Variants in ARFGEF1 observed in about 807,000 individuals in gnomAD.
ARFGEF1 encodes the protein brefeldin A-inhibited guanine nucleotide-exchange protein 1.
In ARFGEF1, 42 loss-of-function variants were observed where a neutral mutation model predicts 231.0. The observed-to-expected ratio is 0.18, with a 90% confidence interval of 0.14 to 0.24. The LOEUF is 0.24. Ranked by LOEUF, ARFGEF1 falls within the 10% of genes least tolerant of loss-of-function variation. The pLI, the probability that ARFGEF1 is intolerant of heterozygous loss-of-function variation, is 1.00. For synonymous variants in ARFGEF1, 710 were observed against 732.3 expected, an observed-to-expected ratio of 0.97 and a Z score of 0.49; for missense variants, 1,345 against 2,192.0, an observed-to-expected ratio of 0.61 and a Z score of 7.72.
intron 1 of ARFGEF1, among the ~76,000 whole-genome samples, chr8:67,332,096 G>C (rs951197612): frequency 3.9e-5 from 6 of 152,008 alleles, no homozygotes; most frequent in African/African-American, 1.2e-4. Flanking sequence ...TAGGTAGGAA[G>C]ACAACATAGA....
At chr8:67,184,094 C>A (rs2129572582) in intron 5 of ARFGEF1, among the ~76,000 whole-genome samples, 1 of 152,160 alleles carries the variant, frequency 6.6e-6, no homozygotes, top group East Asian at 1.9e-4. Flanking sequence ...CTCAGGTGAT[C>A]CCCCGGCCTT....
Position 67,227,238 on chromosome 8 carries a change from C to T in ARFGEF1, c.3815G>A (p.Arg1272Gln). The T allele has an allele frequency of 6.2e-7, 1 of 1,612,966 alleles. No homozygotes were observed. Among genetic ancestry groups the T allele is most frequent in the Non-Finnish European group, 8.5e-7 (1 of 1,179,162 alleles). The stretch of plus-strand genomic sequence containing the variant: ...AGAGAAAATGTTCTTCCATCCAGAT[C>T]GAATGTTAGCAGCTTGAGAATTAAC... The part of the protein sequence containing the change: ...QMVNSQAANI[R>Q]SGWKNIFSVF... The change falls in exon 27 of 39, where the codon CGA becomes CAA. Residue 1272 changes from arginine to glutamine, a missense_variant. Around this residue, in one of 14 missense-constraint regions of ARFGEF1, gnomAD observed 142 missense variants for 227.3 expected, o/e 0.62. Coordinates refer to ENST00000262215, the MANE Select transcript of ARFGEF1 (RefSeq NM_006421.5).
chr8:67,253,849 A>C (rs1442456418), intron 17 of ARFGEF1, among the ~76,000 whole-genome samples: 1 of 152,234 alleles, frequency 6.6e-6, no homozygotes, highest in Non-Finnish European at 1.5e-5. Context: ...GGTGGACATG[A>C]GTAATGTGCA....
At chr8:67,279,524 G>A (rs1805450631) in intron 7 of ARFGEF1, among the ~76,000 whole-genome samples, 1 of 152,012 alleles carries the variant, frequency 6.6e-6, no homozygotes, top group African/African-American at 2.4e-5. Flanking sequence ...CTACACCTCA[G>A]CTCGTGTTCA....
Position 67,227,318 on chromosome 8 carries a change from A to G in ARFGEF1, c.3744-9T>C, listed in dbSNP as rs1839406853. 6.2e-7 allele frequency: 1 copy of G among 1,607,746 alleles called. No individual in the cohort carries two copies. Among genetic ancestry groups the G allele is most frequent in the African/African-American group, 1.3e-5 (1 of 74,828 alleles). On this transcript the variant is annotated splice_polypyrimidine_tract_variant and intron_variant, in intron 26 of 38. Coordinates refer to ENST00000262215, the MANE Select transcript of ARFGEF1 (RefSeq NM_006421.5). ...CTCGAATTGTTGGAGACCTAAAAAT[A>G]TTAATATAATTGCTTGGATATGCAA... is the stretch of plus-strand genomic sequence containing the variant.
chr8:67,289,472 T>TGC (rs1442287701), intron 6 of ARFGEF1, among the ~76,000 whole-genome samples: 3 of 144,366 alleles, frequency 2.1e-5, no homozygotes, highest in Non-Finnish European at 4.5e-5. Flanking sequence ...AAGGATCGCT[T>TGC]GCGCCTGGGA....
intron 4 of ARFGEF1, among the ~76,000 whole-genome samples, chr8:67,296,973 A>T (rs1806263644): frequency 6.6e-6 from 1 of 152,136 alleles, no homozygotes; most frequent in South Asian, 2.1e-4. Flanking sequence ...TTCTGCATCT[A>T]GAGTTTCAGC....
At chr8:67,276,160 A>G in intron 8 of ARFGEF1, 51 bp from the exon 9 acceptor site, 1 of 1,596,554 alleles carries the variant, frequency 6.3e-7, no homozygotes. Context: ...GCCAGTGTAA[A>G]ATCGCTTCAG....
intron 5 of ARFGEF1, among the ~76,000 whole-genome samples, chr8:67,181,822 T>A (rs569628535): frequency 2.6e-5 from 4 of 152,204 alleles, no homozygotes; most frequent in African/African-American, 9.6e-5. Flanking sequence ...AAACAGTAAT[T>A]CCCCATTGCC....
downstream of ARFGEF1, chr8:67,175,432 C>T (rs778067206): frequency 1.2e-6 from 2 of 1,614,084 alleles, no homozygotes; most frequent in Admixed American, 3.3e-5. Flanking sequence ...AGGAAGGTGC[C>T]AAAGGTAAGA....
chr8:67,212,554 C>T (rs1275569435), intron 33 of ARFGEF1, among the ~76,000 whole-genome samples: 2 of 152,064 alleles, frequency 1.3e-5, no homozygotes, highest in Non-Finnish European at 2.9e-5. Context: ...GGCAGCTGAC[C>T]CTACTCCTCC....
chr8:67,312,360 C>T (rs1006853149), intron 1 of ARFGEF1, among the ~76,000 whole-genome samples: 4 of 151,458 alleles, frequency 2.6e-5, no homozygotes, highest in Non-Finnish European at 5.9e-5. Context: ...AAAATGATTA[C>T]AGTGACAGTG....
At chr8:67,260,056 A>T in intron 14 of ARFGEF1, 130 bp from the exon 15 acceptor site, 1 of 441,292 alleles carries the variant, frequency 2.3e-6, no homozygotes, top group South Asian at 6.0e-5. Context: ...TCAGTACATG[A>T]ATGTACAAAA....
intron 1 of ARFGEF1, among the ~76,000 whole-genome samples, chr8:67,311,092 C>A (rs1305717954): frequency 6.7e-6 from 1 of 149,060 alleles, no homozygotes; most frequent in South Asian, 2.1e-4. Context: ...CGGCCAGCCG[C>A]CCCGTCCGGG....
chr8:67,321,619 C>T lies in ARFGEF1; in HGVS notation c.125-19153G>A, dbSNP rs146432162. ...GGGAGTACAGGCACCCGCCACCACG[C>T]CCGGCTATTTTTTTTTATTTTTAAT... is the stretch of plus-strand genomic sequence containing the variant. On this transcript the variant is annotated intron_variant, in intron 1 of 38. Transcript: ENST00000262215. Among the ~76,000 whole-genome samples the T allele has an allele frequency of 1.1e-4, 16 of 152,230 alleles. No individual in the cohort carries two copies. The East Asian group carries it at 3.1e-3, about 29-fold the overall frequency.
At chr8:67,329,529 A>AAAAT (rs755348912) in intron 1 of ARFGEF1, among the ~76,000 whole-genome samples, 16,859 of 145,904 alleles carry the variant, frequency 0.12, 1,158 homozygotes, top group African/African-American at 0.18. Flanking sequence ...ACTCCATCTC[A>AAAAT]AAATAAATAA....
At chr8:67,310,240 T>A (rs1196148300) in intron 1 of ARFGEF1, among the ~76,000 whole-genome samples, 1 of 151,286 alleles carries the variant, frequency 6.6e-6, no homozygotes, top group African/African-American at 2.4e-5. Context: ...GCCGAGTGCC[T>A]GCGATTGCAG....
At chr8:67,263,522 A>T (rs1193687294) in intron 14 of ARFGEF1, among the ~76,000 whole-genome samples, 1 of 152,140 alleles carries the variant, frequency 6.6e-6, no homozygotes, top group Non-Finnish European at 1.5e-5. Context: ...CCAATGCTCT[A>T]ATCTTACCTC....
chr8:67,292,307 G>C (rs1322674062), intron 5 of ARFGEF1, among the ~76,000 whole-genome samples, 184 bp from the exon 6 acceptor site: 3 of 152,106 alleles, frequency 2.0e-5, no homozygotes, highest in African/African-American at 7.2e-5. Flanking sequence ...TTCTTAGGTG[G>C]CTGGAAATTG....
Sources: allele counts gnomAD v4.1 joint callset (sites outside exome capture counted in the v4.1 genomes callset), GRCh38; gene constraint gnomAD v4.1.1; regional missense constraint gnomAD v4.1.1; transcripts MANE v1.5; gene names NCBI Gene and HGNC (gene_info 2026-07-23, HGNC 2026-07-21).